DLG2: variants seen among roughly 807,000 people sequenced by gnomAD.
DLG2 encodes disks large homolog 2.
In DLG2, 45 loss-of-function variants were observed where a neutral mutation model predicts 132.5. The ratio of observed to expected loss-of-function variants is 0.34; its 90% CI spans 0.27 to 0.44. The LOEUF (loss-of-function observed/expected upper bound fraction) is 0.44, where lower values mean the gene tolerates loss of function less well. DLG2 is among the 20% of genes least tolerant of loss of function. The pLI, the probability that DLG2 is intolerant of heterozygous loss-of-function variation, is 1.00. For synonymous variants in DLG2, 424 were observed against 419.6 expected (o/e 1.01, Z -0.13); for missense variants, 1,045 against 1,196.9 (o/e 0.87, Z 1.87).
At chr11:84,947,646 T>C (rs939370866) in intron 6 of DLG2, among the ~76,000 whole-genome samples, 22 of 152,200 alleles carry the variant, frequency 1.4e-4, no homozygotes, top group African/African-American at 5.1e-4. Flanking sequence ...CTTTGCTATA[T>C]AGAAATTTCT....
chr11:85,048,169 A>G (rs541336892), intron 6 of DLG2, among the ~76,000 whole-genome samples: 1 of 152,068 alleles, frequency 6.6e-6, no homozygotes, highest in South Asian at 2.1e-4. Flanking sequence ...AAAAGCACCT[A>G]CTGTCAAACT....
chr11:83,648,256 T>C (rs533124473), intron 18 of DLG2, among the ~76,000 whole-genome samples: 4 of 152,206 alleles, frequency 2.6e-5, no homozygotes, highest in South Asian at 2.1e-4. Flanking sequence ...ACAAAGAGGA[T>C]GGTGCTTAAG....
At chr11:84,190,992 C>T (rs114506507) in intron 8 of DLG2, among the ~76,000 whole-genome samples, 385 of 152,232 alleles carry the variant, frequency 2.5e-3, no homozygotes, top group African/African-American at 8.9e-3. Flanking sequence ...TTTGATATTA[C>T]TTTAAGGGAA....
intron 4 of DLG2, among the ~76,000 whole-genome samples, chr11:85,176,372 C>T (rs1241262999): frequency 6.6e-6 from 1 of 152,094 alleles, no homozygotes; most frequent in East Asian, 1.9e-4. Context: ...GAAAGGTTTC[C>T]CTATTTAACA....
chr11:84,360,255 G>T (rs2098642028), intron 7 of DLG2, among the ~76,000 whole-genome samples: 1 of 151,790 alleles, frequency 6.6e-6, no homozygotes, highest in Non-Finnish European at 1.5e-5. Flanking sequence ...GATTATAGGG[G>T]TAGAAGGCTT....
chr11:84,102,680 G>T (rs1316406366), intron 9 of DLG2, among the ~76,000 whole-genome samples: 2 of 152,124 alleles, frequency 1.3e-5, no homozygotes, highest in Non-Finnish European at 2.9e-5. Context: ...TAAACTGGAT[G>T]ATTTTAAAGG....
At chr11:84,574,529 A>C (rs932301617) in intron 6 of DLG2, among the ~76,000 whole-genome samples, 1 of 152,170 alleles carries the variant, frequency 6.6e-6, no homozygotes, top group Non-Finnish European at 1.5e-5. Context: ...TAGAAAATTA[A>C]AGAACCAAGC....
intron 7 of DLG2, among the ~76,000 whole-genome samples, chr11:84,353,468 G>A (rs557402473): frequency 6.3e-4 from 96 of 152,146 alleles, no homozygotes; most frequent in South Asian, 1.0e-3. Context: ...CAGTCACCAA[G>A]TCCTGTTGTG....
intron 19 of DLG2, among the ~76,000 whole-genome samples, chr11:83,543,134 C>A (rs181871566): frequency 1.3e-5 from 2 of 152,268 alleles, no homozygotes; most frequent in Admixed American, 6.5e-5. Context: ...GTAGTCCCTT[C>A]TTTCATTAAC....
chr11:84,450,848 C>G (rs1464174590), intron 7 of DLG2, among the ~76,000 whole-genome samples: 1 of 151,134 alleles, frequency 6.6e-6, no homozygotes, highest in Non-Finnish European at 1.5e-5. Flanking sequence ...GCCTCCGTGC[C>G]TAACAACATG....
chr11:85,403,297 C>T (rs1030750050), intron 3 of DLG2, among the ~76,000 whole-genome samples: 7 of 151,892 alleles, frequency 4.6e-5, no homozygotes, highest in Admixed American at 2.6e-4. Context: ...ACAACAAGAA[C>T]GCATGCACAC....
intron 4 of DLG2, among the ~76,000 whole-genome samples, chr11:85,259,360 A>G (rs1461237985): frequency 2.6e-5 from 4 of 152,114 alleles, no homozygotes; most frequent in Admixed American, 2.0e-4. Flanking sequence ...CGAGAAGCAG[A>G]AGCCTGTATA....
At chr11:85,068,100 A>C (rs1395674869) in intron 6 of DLG2, among the ~76,000 whole-genome samples, 2 of 152,150 alleles carry the variant, frequency 1.3e-5, no homozygotes, top group Non-Finnish European at 2.9e-5. Context: ...AAAATTCAAC[A>C]GCCCTTCATT....
At chr11:84,288,392 G>A (rs1407982844) in intron 7 of DLG2, among the ~76,000 whole-genome samples, 4 of 152,030 alleles carry the variant, frequency 2.6e-5, no homozygotes, top group Non-Finnish European at 4.4e-5. Flanking sequence ...CCTCCAAGAT[G>A]AGGGTGATAA....
At chr11:84,796,016 C>T (rs1056647028) in intron 6 of DLG2, among the ~76,000 whole-genome samples, 2 of 152,218 alleles carry the variant, frequency 1.3e-5, no homozygotes, top group African/African-American at 4.8e-5. Flanking sequence ...CTCAACCTGG[C>T]TCAAGTGCAG....
intron 3 of DLG2, among the ~76,000 whole-genome samples, chr11:85,287,294 A>G (rs1471563614): frequency 6.6e-6 from 1 of 152,092 alleles, no homozygotes; most frequent in East Asian, 1.9e-4. Context: ...CAGTATCCAG[A>G]TATGAAAAGA....
chr11:85,508,774 G>C (rs1247163307), intron 3 of DLG2, among the ~76,000 whole-genome samples: 1 of 151,936 alleles, frequency 6.6e-6, no homozygotes, highest in African/African-American at 2.4e-5. Context: ...ATTGTATTAA[G>C]TTTATAAACA....
intron 18 of DLG2, among the ~76,000 whole-genome samples, chr11:83,660,324 C>A (rs986825248): frequency 2.6e-5 from 4 of 152,216 alleles, no homozygotes; most frequent in African/African-American, 4.8e-5. Context: ...GACTGCCAAC[C>A]ATATGTGACC....
intron 6 of DLG2, among the ~76,000 whole-genome samples, chr11:84,699,310 A>G (rs2058954388): frequency 1.3e-5 from 2 of 151,610 alleles, no homozygotes; most frequent in Admixed American, 1.3e-4. Flanking sequence ...TTGAAGAGCT[A>G]GGGTAAAGAG....
Sources: allele counts gnomAD v4.1 joint callset (sites outside exome capture counted in the v4.1 genomes callset), GRCh38; gene constraint gnomAD v4.1.1; transcripts MANE v1.5; gene names NCBI Gene and HGNC (gene_info 2026-07-23, HGNC 2026-07-21).